NXPE4: variants seen among roughly 807,000 people sequenced by gnomAD.
NXPE4 encodes neurexophilin and PC-esterase domain family member 4, also known as NXPE family member 4.
Under a neutral mutation model 33.3 loss-of-function variants are expected in NXPE4, and 42 were observed. The observed-to-expected ratio is 1.26, with a 90% CI of 0.98 to 1.63. The LOEUF (loss-of-function observed/expected upper bound fraction) is 1.63. Among genes scored for constraint, NXPE4 ranks in the 40% most tolerant of loss-of-function variants. The probability of loss-of-function intolerance (pLI) is 0.00; values close to 1 mark genes in which losing one functional copy is unlikely to be tolerated. For missense variants in NXPE4, 709 were observed against 647.6 expected, an observed-to-expected ratio of 1.09 and a Z score of -1.03; for synonymous variants, 253 against 234.9, an observed-to-expected ratio of 1.08 and a Z score of -0.71.
intron 2 of NXPE4, among the ~76,000 whole-genome samples, chr11:114,592,478 A>G (rs1949478297): frequency 6.6e-6 from 1 of 151,994 alleles, no homozygotes; most frequent in African/African-American, 2.4e-5. Flanking sequence ...GATCTCTACA[A>G]TGAAAACTAC....
the NXPE4 span, among the ~76,000 whole-genome samples, chr11:114,666,205 A>G: frequency 3.9e-5 from 6 of 152,122 alleles, no homozygotes; most frequent in Non-Finnish European, 8.8e-5. Flanking sequence ...TTTGAAAGCT[A>G]TATACCTTTG....
At chr11:114,607,724 G>T in the NXPE4 span, among the ~76,000 whole-genome samples, 1 of 151,892 alleles carries the variant, frequency 6.6e-6, no homozygotes, top group Non-Finnish European at 1.5e-5. Context: ...TTGTTGCCTC[G>T]TGGGTAACCA....
the NXPE4 span, among the ~76,000 whole-genome samples, chr11:114,678,224 T>A: frequency 0.16 from 23,791 of 152,114 alleles, 2,161 homozygotes; most frequent in South Asian, 0.2. Context: ...AGGTGACTAA[T>A]CCTACGTGAA....
chr11:114,629,880 GACAA>G, the NXPE4 span, among the ~76,000 whole-genome samples: 2 of 150,082 alleles, frequency 1.3e-5, no homozygotes, highest in Admixed American at 6.7e-5. Flanking sequence ...ACCAACAACA[GACAA>G]ACAGAGAGCC....
chr11:114,671,627 G>T, the NXPE4 span, among the ~76,000 whole-genome samples: 1 of 151,896 alleles, frequency 6.6e-6, no homozygotes, highest in Non-Finnish European at 1.5e-5. Flanking sequence ...AAGGCAGTAG[G>T]ATGACATATT....
the NXPE4 span, among the ~76,000 whole-genome samples, chr11:114,663,987 G>C: frequency 6.6e-6 from 1 of 152,110 alleles, no homozygotes; most frequent in Non-Finnish European, 1.5e-5. Flanking sequence ...CAGTTTGACA[G>C]TTTCTTATAA....
chr11:114,580,287 A>G lies in NXPE4; in HGVS notation c.944T>C (p.Ile315Thr). 1 of 1,614,026 alleles carries G rather than the reference A, an allele frequency of 6.2e-7. No homozygotes were observed. The highest frequency in any genetic ancestry group is 8.5e-7 in the Non-Finnish European group (1 of 1,179,952). ...EKCKFGMTST[I>T]PSGHVWRNTW... The stretch of plus-strand genomic sequence containing the variant: ...GTTTCTCCAGACATGCCCACTGGGG[A>G]TTGTGGATGTCATTCCAAACTTGCA... Residue 315 changes from isoleucine to threonine, a missense_variant, in exon 5 of 6, where the codon ATC (isoleucine) becomes ACC (threonine). Ile to Thr is a moderately conservative substitution (Grantham distance 89, BLOSUM62 -1). Coordinates refer to ENST00000375478, the MANE Select transcript of NXPE4 (RefSeq NM_001077639.2).
chr11:114,631,558 G>C, the NXPE4 span, among the ~76,000 whole-genome samples: 1 of 151,526 alleles, frequency 6.6e-6, no homozygotes, highest in Admixed American at 6.6e-5. Context: ...AGCACTGGGA[G>C]ATATACCTAA....
chr11:114,585,366 T>C (rs1949267687), intron 2 of NXPE4, among the ~76,000 whole-genome samples: 2 of 152,040 alleles, frequency 1.3e-5, no homozygotes, highest in Admixed American at 6.6e-5. Context: ...AAGACCTAAC[T>C]CTATCCTTCT....
At chr11:114,605,987 G>A in the NXPE4 span, among the ~76,000 whole-genome samples, 1 of 151,408 alleles carries the variant, frequency 6.6e-6, no homozygotes, top group African/African-American at 2.4e-5. Flanking sequence ...ATTGTTACCA[G>A]GTGGATACTA....
the NXPE4 span, among the ~76,000 whole-genome samples, chr11:114,668,554 A>G: frequency 1.3e-5 from 2 of 152,114 alleles, no homozygotes; most frequent in Non-Finnish European, 2.9e-5. Flanking sequence ...ACTGGAGAAG[A>G]ACTCAGTTAG....
At chr11:114,615,690 G>T in the NXPE4 span, among the ~76,000 whole-genome samples, 1 of 151,540 alleles carries the variant, frequency 6.6e-6, no homozygotes, top group African/African-American at 2.4e-5. Flanking sequence ...TTGCCTCTAG[G>T]GTAACCACTG....
At chr11:114,600,882 A>C in the NXPE4 span, among the ~76,000 whole-genome samples, 1 of 152,194 alleles carries the variant, frequency 6.6e-6, no homozygotes, top group East Asian at 1.9e-4. Flanking sequence ...AATGTATTAA[A>C]AGTAAAAAGA....
chr11:114,640,987 A>C, the NXPE4 span, among the ~76,000 whole-genome samples: 1 of 152,042 alleles, frequency 6.6e-6, no homozygotes, highest in African/African-American at 2.4e-5. Context: ...AATTAAGTGT[A>C]ATCAACATCA....
intron 5 of NXPE4, among the ~76,000 whole-genome samples, chr11:114,575,507 A>G (rs1420224569): frequency 6.6e-6 from 1 of 152,136 alleles, no homozygotes; most frequent in Non-Finnish European, 1.5e-5. Context: ...AGGATACAAA[A>G]TTAATATACA....
upstream of NXPE4, among the ~76,000 whole-genome samples, chr11:114,599,477 C>T (rs1373414945): frequency 6.6e-6 from 1 of 152,136 alleles, no homozygotes; most frequent in African/African-American, 2.4e-5. Context: ...GGCAGTGTTC[C>T]ACTCCCCAGT....
the NXPE4 span, among the ~76,000 whole-genome samples, chr11:114,639,342 G>A: frequency 6.6e-6 from 1 of 152,036 alleles, no homozygotes; most frequent in Admixed American, 6.6e-5. Context: ...TAGGGTGGGA[G>A]TGACCCGATT....
chr11:114,595,855 G>A (rs575590896), upstream of NXPE4: 1 of 152,374 alleles, frequency 6.6e-6, no homozygotes, highest in Admixed American at 6.5e-5. Flanking sequence ...CTCAAGCAGA[G>A]GTAGGAAGGA....
chr11:114,638,349 C>G, the NXPE4 span, among the ~76,000 whole-genome samples: 1 of 151,960 alleles, frequency 6.6e-6, no homozygotes, highest in Non-Finnish European at 1.5e-5. Flanking sequence ...ATTGGTTATT[C>G]TAGTTATCCA....
Sources: allele counts gnomAD v4.1 joint callset (sites outside exome capture counted in the v4.1 genomes callset), GRCh38; gene constraint gnomAD v4.1.1; transcripts MANE v1.5; gene names NCBI Gene and HGNC (gene_info 2026-07-23, HGNC 2026-07-21).